The following SYTL1 variants were observed in gnomAD, a reference collection of about 807,000 sequenced individuals.
SYTL1 encodes synaptotagmin-like protein 1.
A neutral mutation model predicts 74.6 loss-of-function variants in SYTL1; 53 were observed. The observed-to-expected ratio is 0.71, with a 90% CI of 0.57 to 0.89. The LOEUF (loss-of-function observed/expected upper bound fraction) is 0.89, where lower values mean the gene tolerates loss of function less well. Ranked by LOEUF, SYTL1 falls within the 40% of genes least tolerant of loss-of-function variation. The probability of loss-of-function intolerance (pLI) is 0.00; values close to 1 mark genes in which losing one functional copy is unlikely to be tolerated. For synonymous variants in SYTL1, 329 were observed against 324.9 expected (o/e 1.01, Z -0.14); for missense variants, 728 against 768.7 (o/e 0.95, Z 0.63).
Position 27,349,463 on chromosome 1 carries a change from G to A in SYTL1, c.598G>A (p.Gly200Arg), listed in dbSNP as rs201651642. 60 of 1,454,052 alleles carry A rather than the reference G, an allele frequency of 4.1e-5. No individual in the cohort carries two copies. In the Admixed American group the frequency reaches 4.8e-4, roughly 12 times the overall value. 90.1% of individuals were successfully genotyped at this position (1,454,052 alleles called of 1,614,324 possible). A position where few individuals can be genotyped will look rare whatever the true frequency, so the allele number is the denominator to read the frequency against. Reference sequence around the variant, plus strand: ...TGACCCGGAGCTGGAGCCCGCGTCGGGGGGAGAGCAGGAGCCGCGGCCCCA... The same window carrying A: ...TGACCCGGAGCTGGAGCCCGCGTCGAGGGGAGAGCAGGAGCCGCGGCCCCA... ...EADPELEPAS[G>R]GEQEPRPQQA... Residue 200 changes from glycine (G) to arginine (R), a missense_variant, in exon 7 of 15, where the codon GGG becomes AGG. By Grantham distance (125) the Gly-to-Arg change is moderately radical. Transcript: ENST00000616558.
rs1275773594 is a variant in SYTL1, at chr1:27,348,951, C to T, written c.460-129C>T. On this transcript the variant is annotated intron_variant, in intron 5 of 14. Transcript: ENST00000616558. This position sits in a 1 kb window ranked among gnomAD's most constrained non-coding sequence, Gnocchi z 4.1. ...TCCTGCAGCTGGCTGCCAGCCCTGC[C>T]CGGAGGGCTGCCCTAAACCTGAAAC... 6.9e-6 allele frequency: 5 copies of T among 721,008 alleles called. No homozygotes were observed. The highest frequency in any genetic ancestry group is 1.2e-5 in the Non-Finnish European group (5 of 430,594). The allele number at this position is 721,008 out of a possible 1,614,324, so 44.7% of individuals were successfully genotyped here. A position where few individuals can be genotyped will look rare whatever the true frequency, so the allele number is the denominator to read the frequency against.
rs761281914 is a variant in SYTL1, at chr1:27,349,109, C to T, written c.489C>T (p.Pro163=). Residue 163 remains proline (P), a synonymous_variant, in exon 6 of 15, where the codon CCC becomes CCT. Coordinates refer to ENST00000616558, the MANE Select transcript of SYTL1 (RefSeq NM_001193308.2). The part of the protein sequence containing the change: ...EGPDFPSPSV[P]LKASDPEEAS... The stretch of plus-strand genomic sequence containing the variant: ...CTGATTTCCCATCGCCTTCTGTCCC[C>T]CTAAAGGCTTCAGATCCTGAGGAGG... 1 of 1,614,094 alleles carries T rather than the reference C, an allele frequency of 6.2e-7. No individual in the cohort carries two copies. Among genetic ancestry groups the T allele is most frequent in the South Asian group, 1.1e-5 (1 of 91,076 alleles).
rs766590633 is a variant in SYTL1, at chr1:27,342,189, A to G, written c.-39+39A>G. The G allele has an allele frequency of 5.6e-5, 13 of 231,320 alleles. No individual in the cohort carries two copies. Among genetic ancestry groups the G allele is most frequent in the Middle Eastern group, 4.2e-3 (2 of 476 alleles). 14.3% of individuals were successfully genotyped at this position (231,320 alleles called of 1,614,324 possible). On this transcript the variant is annotated intron_variant, in intron 1 of 14. Coordinates refer to ENST00000616558, the MANE Select transcript of SYTL1 (RefSeq NM_001193308.2). This position sits in a 1 kb window ranked among gnomAD's most constrained non-coding sequence, Gnocchi z 4.7. The stretch of plus-strand genomic sequence containing the variant: ...GTGCCAGGGTCCCCTGCCAGGGTCC[A>G]GAGACGCAGGCACTGCCACCTGGTA...
rs767913640 is a variant in SYTL1, at chr1:27,348,030, C to T, written c.459+18C>T. 4 of 1,612,572 alleles carry T rather than the reference C, an allele frequency of 2.5e-6. No individual in the cohort carries two copies. In the South Asian group the frequency reaches 3.3e-5, roughly 13 times the overall value. Reference sequence around the variant, plus strand: ...AGACTGAGGTAAGTGAATGAGCCAACATGTGAGTACAGTGTCCCTGGAGGG... The same window carrying T: ...AGACTGAGGTAAGTGAATGAGCCAATATGTGAGTACAGTGTCCCTGGAGGG... On this transcript the variant is annotated intron_variant, in intron 5 of 14. Coordinates refer to ENST00000616558, the MANE Select transcript of SYTL1 (RefSeq NM_001193308.2). This position sits in a 1 kb window ranked among gnomAD's most constrained non-coding sequence, Gnocchi z 4.1.
chr1:27,353,119 G>C, intron 13 of SYTL1, 164 bp from the exon 14 acceptor site: 2 of 695,832 alleles, frequency 2.9e-6, no homozygotes, highest in Non-Finnish European at 4.9e-6. Context: ...GGAGACCTGA[G>C]AGGAGGCTGG....
Position 27,353,850 on chromosome 1 carries a change from T to G in SYTL1, c.1687T>G (p.Ter563GluextTer?). 1 of 1,612,556 alleles carries G rather than the reference T, an allele frequency of 6.2e-7. No homozygotes were observed. The highest frequency in any genetic ancestry group is 1.1e-5 in the South Asian group (1 of 91,002). ...CAGAACCAACCTGGCCCCCAGGACGTAGCCCCACCAAGCCTCTCTCTCTGG... is the reference window on the plus strand; with the variant it reads ...CAGAACCAACCTGGCCCCCAGGACGGAGCCCCACCAAGCCTCTCTCTCTGG... ...PLRTNLAPRT[*>E] The change falls in exon 15 of 15, where the codon TAG (stop) becomes GAG (glutamate). Residue 563 changes from the stop codon to glutamate, a stop_lost. Transcript: ENST00000616558.
intron 2 of SYTL1, among the ~76,000 whole-genome samples, chr1:27,346,541 T>C (rs1360361551): frequency 6.6e-6 from 1 of 152,128 alleles, no homozygotes; most frequent in Admixed American, 6.6e-5. Flanking sequence ...GACGGGAGGA[T>C]TGCTTGAGCC....
Position 27,345,549 on chromosome 1 carries a change from G to T in SYTL1, c.191+24G>T. The T allele has an allele frequency of 6.6e-7, 1 of 1,505,558 alleles. No homozygotes were observed. The highest frequency in any genetic ancestry group is 9.0e-7 in the Non-Finnish European group (1 of 1,114,174). The allele number at this position is 1,505,558 out of a possible 1,614,324, so 93.3% of individuals were successfully genotyped here. On this transcript the variant is annotated intron_variant, in intron 2 of 14. Coordinates refer to ENST00000616558, the MANE Select transcript of SYTL1 (RefSeq NM_001193308.2). The surrounding 1 kb of genome is among the most constrained non-coding windows in gnomAD (Gnocchi z 6.0). Reference sequence around the variant, plus strand: ...AGGTAAGGCAGGGCAGACCCTGGCCGGGGAGCACCAAGAGGCTTGAGTGGC... The same window carrying T: ...AGGTAAGGCAGGGCAGACCCTGGCCTGGGAGCACCAAGAGGCTTGAGTGGC...
In SYTL1 at chr1:27,350,203, C is replaced by T. The variant is rs1398607121; in HGVS notation, c.908+71C>T. 1.4e-6 allele frequency: 2 copies of T among 1,479,532 alleles called. No individual in the cohort carries two copies. Among genetic ancestry groups the T allele is most frequent in the South Asian group, 1.3e-5 (1 of 74,842 alleles). 91.7% of individuals were successfully genotyped at this position (1,479,532 alleles called of 1,614,324 possible). A position where few individuals can be genotyped will look rare whatever the true frequency, so the allele number is the denominator to read the frequency against. On this transcript the variant is annotated intron_variant, in intron 9 of 14. Coordinates refer to ENST00000616558, the MANE Select transcript of SYTL1 (RefSeq NM_001193308.2). This position sits in a 1 kb window ranked among gnomAD's most constrained non-coding sequence, Gnocchi z 6.3. Reference sequence around the variant, plus strand: ...CCCACCATTCACAGGGTCTCGGCCTCCTCGTCCTCATCTTCAAAATGGGAA... The same window carrying T: ...CCCACCATTCACAGGGTCTCGGCCTTCTCGTCCTCATCTTCAAAATGGGAA...
rs987455587 is a variant in SYTL1 at position 27,349,465 on chromosome 1, G to C, written c.600G>C (p.Gly200=). ...ACCCGGAGCTGGAGCCCGCGTCGGG[G>C]GGAGAGCAGGAGCCGCGGCCCCAGC... ...EADPELEPAS[G]GEQEPRPQQA... is the part of the protein sequence containing the mutation. Residue 200 remains glycine (G), a synonymous_variant, in exon 7 of 15, where the codon GGG becomes GGC. Transcript: ENST00000616558. 5 of 1,454,094 alleles carry C rather than the reference G, an allele frequency of 3.4e-6. No homozygotes were observed. The highest frequency in any genetic ancestry group is 2.9e-5 in the African/African-American group (2 of 69,484). 90.1% of individuals were successfully genotyped at this position (1,454,094 alleles called of 1,614,324 possible).
rs1455430034 is a variant in SYTL1 at position 27,342,651 on chromosome 1, T to C, written c.-39+501T>C. Among the ~76,000 whole-genome samples, 1 of 152,078 alleles carries C rather than the reference T, an allele frequency of 6.6e-6. No homozygotes were observed. On this transcript the variant is annotated intron_variant, in intron 1 of 14. Coordinates refer to ENST00000616558, the MANE Select transcript of SYTL1 (RefSeq NM_001193308.2). The surrounding 1 kb of genome is among the most constrained non-coding windows in gnomAD (Gnocchi z 4.7). ...ACACACCCCACACGGCGCTGTCACC[T>C]AGAAAGTCACTGAACACACCACACA...
chr1:27,347,366 G>A lies in SYTL1; in HGVS notation c.192-55G>A. The stretch of plus-strand genomic sequence containing the variant: ...TCCCAAGCCTGTTAACAATGTAGGT[G>A]GCGGGAATGTTGCTTGGGTGAGTCA... On this transcript the variant is annotated intron_variant, in intron 2 of 14. Coordinates refer to ENST00000616558, the MANE Select transcript of SYTL1 (RefSeq NM_001193308.2). The surrounding 1 kb of genome is among the most constrained non-coding windows in gnomAD (Gnocchi z 4.9). 1 of 1,611,760 alleles carries A rather than the reference G, an allele frequency of 6.2e-7. No homozygotes were observed. Among genetic ancestry groups the A allele is most frequent in the South Asian group, 1.1e-5 (1 of 90,940 alleles).
Position 27,351,442 on chromosome 1 carries a change from G to C in SYTL1, c.1244-14G>C, listed in dbSNP as rs2015272233. ...CTCCATCCGTGTGCGGGCCTGAGCC[G>C]AGCCTCTCCGCAGGCGCAGGACTGC... is the stretch of plus-strand genomic sequence containing the variant. On this transcript the variant is annotated splice_polypyrimidine_tract_variant and intron_variant, in intron 12 of 14. Transcript: ENST00000616558. This position sits in a 1 kb window ranked among gnomAD's most constrained non-coding sequence, Gnocchi z 5.0. 2.6e-6 allele frequency: 4 copies of C among 1,516,284 alleles called. No homozygotes were observed. The East Asian group carries it at 7.4e-5, about 28-fold the overall frequency. 93.9% of individuals were successfully genotyped at this position (1,516,284 alleles called of 1,614,324 possible). A position where few individuals can be genotyped will look rare whatever the true frequency, so the allele number is the denominator to read the frequency against.
At chr1:27,349,232 T>C in intron 6 of SYTL1, 80 bp downstream of exon 6, 2 of 1,530,284 alleles carry the variant, frequency 1.3e-6, no homozygotes, top group Non-Finnish European at 1.8e-6. Context: ...ACCACCTGTG[T>C]TCACCCTCGT....
rs1181699545 is a variant in SYTL1 at position 27,350,076 on chromosome 1, C to T, written c.852C>T (p.Arg284=). The change falls in exon 9 of 15, where the codon CGC becomes CGT. Residue 284 remains arginine, a synonymous_variant. Coordinates refer to ENST00000616558, the MANE Select transcript of SYTL1 (RefSeq NM_001193308.2). This position sits in a 1 kb window ranked among gnomAD's most constrained non-coding sequence, Gnocchi z 6.3. ...LHYEPGAAEL[R]VHVIQCQGLA... ...ACGAGCCGGGCGCCGCCGAGCTGCG[C>T]GTGCACGTGATCCAGTGCCAGGGCC... 1.3e-6 allele frequency: 2 copies of T among 1,494,638 alleles called. No homozygotes were observed. The highest frequency in any genetic ancestry group is 8.9e-7 in the Non-Finnish European group (1 of 1,128,488). 92.6% of individuals were successfully genotyped at this position (1,494,638 alleles called of 1,614,324 possible). A position where few individuals can be genotyped will look rare whatever the true frequency, so the allele number is the denominator to read the frequency against.
In SYTL1 at chr1:27,348,131, T is replaced by C. The variant is rs2015083190; in HGVS notation, c.459+119T>C. On this transcript the variant is annotated intron_variant, in intron 5 of 14. Transcript: ENST00000616558. This position sits in a 1 kb window ranked among gnomAD's most constrained non-coding sequence, Gnocchi z 4.1. ...GGGAGACCCTGGAAATGTTCCTTCC[T>C]GTGTCTGCACCTCATCACCTCCTGG... 1.0e-6 allele frequency: 1 copy of C among 970,338 alleles called. No homozygotes were observed. Among genetic ancestry groups the C allele is most frequent in the African/African-American group, 1.6e-5 (1 of 62,644 alleles). The allele number at this position is 970,338 out of a possible 1,614,324, so 60.1% of individuals were successfully genotyped here. A position where few individuals can be genotyped will look rare whatever the true frequency, so the allele number is the denominator to read the frequency against.
Position 27,351,174 on chromosome 1 carries a change from G to A in SYTL1, c.1165-84G>A. 2 of 1,476,470 alleles carry A rather than the reference G, an allele frequency of 1.4e-6. No individual in the cohort carries two copies. The highest frequency in any genetic ancestry group is 1.4e-5 in the African/African-American group (1 of 71,470). 91.5% of individuals were successfully genotyped at this position (1,476,470 alleles called of 1,614,324 possible). On this transcript the variant is annotated intron_variant, in intron 11 of 14. Coordinates refer to ENST00000616558, the MANE Select transcript of SYTL1 (RefSeq NM_001193308.2). The surrounding 1 kb of genome is among the most constrained non-coding windows in gnomAD (Gnocchi z 5.0). ...GCAGGCCCCGCCGTCTCTTCTAGCC[G>A]CACCCCATCCGGGTCTGCAGACCCC...
chr1:27,342,295 C>G lies in SYTL1; in HGVS notation c.-39+145C>G, dbSNP rs959260588. 28 of 983,154 alleles carry G rather than the reference C, an allele frequency of 2.8e-5. No individual in the cohort carries two copies. The highest frequency in any genetic ancestry group is 5.2e-4 in the Middle Eastern group (1 of 1,932). The allele number at this position is 983,154 out of a possible 1,614,324, so 60.9% of individuals were successfully genotyped here. ...TGGAACAGCTGGACAGATGGACAGA[C>G]CCTCCTCTTGACCAATGGGTCTGTC... On this transcript the variant is annotated intron_variant, in intron 1 of 14. Transcript: ENST00000616558. This position sits in a 1 kb window ranked among gnomAD's most constrained non-coding sequence, Gnocchi z 4.7.
rs202081973 is a variant in SYTL1, at chr1:27,350,753, C to T, written c.1006-41C>T. The T allele has an allele frequency of 1.7e-4, 267 of 1,603,134 alleles. 1 individual carries two copies. In the African/African-American group the frequency reaches 2.7e-3, roughly 16 times the overall value. ...CCAACTCGCGCAGCATCTACGCGGG[C>T]CACCAGCAGTGCTCCACTAAAGCTC... On this transcript the variant is annotated intron_variant, in intron 10 of 14. Transcript: ENST00000616558. This position sits in a 1 kb window ranked among gnomAD's most constrained non-coding sequence, Gnocchi z 6.3.
Sources: gnomAD v4.1 joint callset for allele counts (sites outside exome capture counted in the v4.1 genomes callset) on GRCh38, gnomAD v4.1.1 for gene constraint, Gnocchi (gnomAD v3.1) non-coding constraint, MANE v1.5 for transcripts, NCBI Gene and HGNC (gene_info 2026-07-23, HGNC 2026-07-21) for gene names.